UBE2O: variants seen among roughly 807,000 people sequenced by gnomAD.
The protein encoded by UBE2O is ubiquitin conjugating enzyme E2 O.
In UBE2O, 15 loss-of-function variants were observed where a neutral mutation model predicts 125.8. The ratio of observed to expected loss-of-function variants is 0.12; its 90% CI spans 0.08 to 0.18. The LOEUF (loss-of-function observed/expected upper bound fraction) is 0.18. Among genes scored for constraint, UBE2O ranks in the 10% least tolerant of loss-of-function variants. The pLI is 1.00. For missense variants in UBE2O, 1,280 were observed against 1,723.6 expected (o/e 0.74, Z 4.56); for synonymous variants, 708 against 703.2 (o/e 1.01, Z -0.11).
chr17:76,397,110 G>C (rs2072224370), intron 13 of UBE2O, among the ~76,000 whole-genome samples: 2 of 152,220 alleles, frequency 1.3e-5, no homozygotes, highest in Admixed American at 1.3e-4. Flanking sequence ...ATCTGTCCAA[G>C]GCGTTAGGGG....
chr17:76,416,803 C>A (rs1469979141), intron 1 of UBE2O, among the ~76,000 whole-genome samples: 1 of 152,178 alleles, frequency 6.6e-6, no homozygotes, highest in African/African-American at 2.4e-5. Context: ...TCCCAAGGCA[C>A]AACAGCAACA....
At chr17:76,444,695 A>G (rs550115747) in intron 1 of UBE2O, among the ~76,000 whole-genome samples, 1 of 152,250 alleles carries the variant, frequency 6.6e-6, no homozygotes, top group Non-Finnish European at 1.5e-5. Context: ...AAATGGAGGC[A>G]GACATCCATT....
chr17:76,433,796 A>AT, intron 1 of UBE2O, among the ~76,000 whole-genome samples: 1 of 152,020 alleles, frequency 6.6e-6, no homozygotes, highest in East Asian at 1.9e-4. Flanking sequence ...CCAAGGTAGG[A>AT]GGATCGCTTG....
At chr17:76,437,993 T>C (rs1381394324) in intron 1 of UBE2O, among the ~76,000 whole-genome samples, 1 of 152,160 alleles carries the variant, frequency 6.6e-6, no homozygotes, top group African/African-American at 2.4e-5. Flanking sequence ...ATTTGCAATG[T>C]GTTCAAAACG....
At chr17:76,422,454 A>G (rs2072727365) in intron 1 of UBE2O, among the ~76,000 whole-genome samples, 1 of 152,172 alleles carries the variant, frequency 6.6e-6, no homozygotes, top group Admixed American at 6.5e-5. Context: ...CCATCCATTC[A>G]GTTGTTCCCT....
chr17:76,395,755 G>A lies in UBE2O; in HGVS notation c.2916C>T (p.Gly972=), dbSNP rs773327802. 6.2e-7 allele frequency: 1 copy of A among 1,614,216 alleles called. No individual in the cohort carries two copies. The highest frequency in any genetic ancestry group is 1.1e-5 in the South Asian group (1 of 91,086). ...TATCTTCAAAAGTCTTGACCATGAT[G>A]CCCTCAGGCAGTGAGGTAGCCAGCA... ...MALLATSLPE[G]IMVKTFEDRM... is the part of the protein sequence containing the mutation. The change falls in exon 15 of 18, where the codon GGC becomes GGT. Residue 972 remains glycine (G), a synonymous_variant. Transcript: ENST00000319380. The surrounding 1 kb of genome is among the most constrained non-coding windows in gnomAD (Gnocchi z 5.0).
rs112083891 is a variant in UBE2O, at chr17:76,422,864, C to T, written c.418-17292G>A. On this transcript the variant is annotated intron_variant, in intron 1 of 17. Transcript: ENST00000319380. The stretch of plus-strand genomic sequence containing the variant: ...GGGCAGGCACTGGGCACCAGTGCAC[C>T]CCAGCAAGTGCCTGGAACACAGAAG... Among the ~76,000 whole-genome samples the T allele has an allele frequency of 3.3e-3, 500 of 152,344 alleles. 2 individuals carry two copies. The highest frequency in any genetic ancestry group is 0.011 in the African/African-American group (478 of 41,578).
In UBE2O at chr17:76,395,658, TG is replaced by T; in HGVS notation, c.2946+66del. 2.6e-6 allele frequency: 4 copies of T among 1,545,798 alleles called. No homozygotes were observed. The highest frequency in any genetic ancestry group is 3.5e-6 in the Non-Finnish European group (4 of 1,148,858). ...CCCCGGAGGTTTGGGGACCCAAGGT[TG>T]GTGGCCTCTTGGGCACTGGGTGCCC... On this transcript the variant is annotated intron_variant, in intron 15 of 17. Coordinates refer to ENST00000319380, the MANE Select transcript of UBE2O (RefSeq NM_022066.4). This position sits in a 1 kb window ranked among gnomAD's most constrained non-coding sequence, Gnocchi z 5.0.
intron 1 of UBE2O, among the ~76,000 whole-genome samples, chr17:76,426,430 TTTCA>T (rs1357596037): frequency 2.0e-5 from 3 of 152,260 alleles, no homozygotes; most frequent in African/African-American, 7.2e-5. Flanking sequence ...AATTGTTTAC[TTTCA>T]TTGTGATCCA....
chr17:76,425,571 CCTAA>C (rs1249231658), intron 1 of UBE2O, among the ~76,000 whole-genome samples: 1 of 152,272 alleles, frequency 6.6e-6, no homozygotes, highest in South Asian at 2.1e-4. Context: ...TACCTGATGA[CCTAA>C]CTCTTACCCT....
At chr17:76,421,164 A>G (rs2072703948) in intron 1 of UBE2O, among the ~76,000 whole-genome samples, 1 of 152,138 alleles carries the variant, frequency 6.6e-6, no homozygotes, top group South Asian at 2.1e-4. Flanking sequence ...TGCTCCTCTG[A>G]CAGGAAATGG....
Position 76,396,412 on chromosome 17 carries a change from A to G in UBE2O, c.2525T>C (p.Val842Ala). Reference protein sequence around the residue: ...LLTGSPTSPTVEPEKPTREKK... With the variant: ...LLTGSPTSPTAEPEKPTREKK... ...CTCCCGAGTTGGCTTCTCAGGCTCC[A>G]CAGTCGGAGAGGTGGGCGAGCCCGT... Residue 842 changes from valine to alanine, a missense_variant, in exon 14 of 18, where the codon GTG (valine) becomes GCG (alanine). Val to Ala is a moderately conservative substitution (Grantham distance 64, BLOSUM62 0). This residue lies in a region of UBE2O where 210 missense variants were observed against 268.9 expected (regional missense o/e 0.78). Coordinates refer to ENST00000319380, the MANE Select transcript of UBE2O (RefSeq NM_022066.4). This position sits in a 1 kb window ranked among gnomAD's most constrained non-coding sequence, Gnocchi z 6.7. The G allele has an allele frequency of 1.2e-6, 2 of 1,614,166 alleles. No individual in the cohort carries two copies. Among genetic ancestry groups the G allele is most frequent in the Non-Finnish European group, 1.7e-6 (2 of 1,180,014 alleles).
rs537518945 is a variant in UBE2O at position 76,432,432 on chromosome 17, A to AT, written c.417+20292dup. On this transcript the variant is annotated intron_variant, in intron 1 of 17. Coordinates refer to ENST00000319380, the MANE Select transcript of UBE2O (RefSeq NM_022066.4). The stretch of plus-strand genomic sequence containing the variant: ...GCCACGGTACATGTGACTGGTAAAT[A>AT]TTTGAAAGCTTGCCCACTGTCCAAG... 4.7e-4 allele frequency among the ~76,000 whole-genome samples: 72 copies of AT among 152,328 alleles called. 2 individuals carry two copies. The South Asian group carries it at 0.015, about 32-fold the overall frequency.
intron 1 of UBE2O, among the ~76,000 whole-genome samples, chr17:76,424,034 A>C (rs772853543): frequency 2.7e-5 from 4 of 149,646 alleles, no homozygotes; most frequent in Non-Finnish European, 5.9e-5. Context: ...CAGCCTCCTG[A>C]GTAGCTGGGA....
intron 13 of UBE2O, among the ~76,000 whole-genome samples, chr17:76,397,207 T>C (rs567204511): frequency 1.3e-5 from 2 of 152,152 alleles, no homozygotes; most frequent in Non-Finnish European, 2.9e-5. Flanking sequence ...GCTGGGAACA[T>C]ATGACAAGAG....
rs2073264179 is a variant in UBE2O, at chr17:76,452,363, G to A, written c.417+362C>T. Among the ~76,000 whole-genome samples, 1 of 152,122 alleles carries A rather than the reference G, an allele frequency of 6.6e-6. No homozygotes were observed. The highest frequency in any genetic ancestry group is 1.5e-5 in the Non-Finnish European group (1 of 68,014). ...ACAATGCAGTACCGAGCTCCTTGGG[G>A]GTCAGCAAAACGCCGCACTGGTGTA... On this transcript the variant is annotated intron_variant, in intron 1 of 17. Transcript: ENST00000319380. This position sits in a 1 kb window ranked among gnomAD's most constrained non-coding sequence, Gnocchi z 4.4.
intron 1 of UBE2O, among the ~76,000 whole-genome samples, chr17:76,442,429 G>A (rs1432397805): frequency 6.6e-6 from 1 of 152,178 alleles, no homozygotes; most frequent in Non-Finnish European, 1.5e-5. Flanking sequence ...CAGACCACAG[G>A]GCATCTGGAA....
Position 76,396,897 on chromosome 17 carries a change from T to C in UBE2O, c.2116-76A>G. The C allele has an allele frequency of 7.5e-7, 1 of 1,332,832 alleles. No homozygotes were observed. The highest frequency in any genetic ancestry group is 1.4e-5 in the South Asian group (1 of 72,048). 82.6% of individuals were successfully genotyped at this position (1,332,832 alleles called of 1,614,324 possible). On this transcript the variant is annotated intron_variant, in intron 13 of 17. Coordinates refer to ENST00000319380, the MANE Select transcript of UBE2O (RefSeq NM_022066.4). This position sits in a 1 kb window ranked among gnomAD's most constrained non-coding sequence, Gnocchi z 6.7. ...CACCACTAAGGAGGAGCTCTGGGGA[T>C]CCCTGATCCGCACAGCTGATGGCGA...
intron 1 of UBE2O, among the ~76,000 whole-genome samples, chr17:76,436,224 G>T (rs1264895365): frequency 6.6e-6 from 1 of 152,040 alleles, no homozygotes; most frequent in Non-Finnish European, 1.5e-5. Flanking sequence ...TCCAGCCTGG[G>T]CAACAAGAGC....
Sources: gnomAD v4.1 joint callset for allele counts (sites outside exome capture counted in the v4.1 genomes callset) on GRCh38, gnomAD v4.1.1 for gene constraint, gnomAD v4.1.1 regional missense constraint, Gnocchi (gnomAD v3.1) non-coding constraint, MANE v1.5 for transcripts, NCBI Gene and HGNC (gene_info 2026-07-23, HGNC 2026-07-21) for gene names.